NKAIN2: variants seen among roughly 807,000 people sequenced by gnomAD.
NKAIN2 encodes the protein sodium/potassium-transporting ATPase subunit beta-1-interacting protein 2.
Under a neutral mutation model 32.6 loss-of-function variants are expected in NKAIN2, and 14 were observed. The ratio of observed to expected loss-of-function variants is 0.43; its 90% CI spans 0.28 to 0.67. NKAIN2 has a LOEUF of 0.67. NKAIN2 is among the 30% of genes least tolerant of loss of function. NKAIN2 has a pLI of 0.17. For synonymous variants in NKAIN2, 80 were observed against 87.2 expected (o/e 0.92, Z 0.46); for missense variants, 198 against 258.3 (o/e 0.77, Z 1.60).
At chr6:123,829,856 A>G (rs1265029140) in intron 1 of NKAIN2, among the ~76,000 whole-genome samples, 3 of 152,222 alleles carry the variant, frequency 2.0e-5, no homozygotes, top group African/African-American at 7.2e-5. Flanking sequence ...CAAACAGACC[A>G]GTAAACCCTG....
At position 124,524,003 on chromosome 6, in the gene NKAIN2, G is replaced by A. The variant is rs73565321; in HGVS notation, c.274-134183G>A. On this transcript the variant is annotated intron_variant, in intron 3 of 6. Transcript: ENST00000368417. ...TCTATTGAAAGTCTAAGAATGGCAT[G>A]CTTTGATTAGAATGTCCTGGAAATG... Among the ~76,000 whole-genome samples the A allele has an allele frequency of 3.3e-3, 496 of 152,256 alleles. 4 individuals carry two copies. Among genetic ancestry groups the A allele is most frequent in the African/African-American group, 0.011 (475 of 41,548 alleles).
chr6:124,149,516 C>T (rs951831675), intron 1 of NKAIN2, among the ~76,000 whole-genome samples: 7 of 152,124 alleles, frequency 4.6e-5, no homozygotes, highest in Admixed American at 1.3e-4. Context: ...CCCAGCTGTT[C>T]GAGAACCATT....
intron 3 of NKAIN2, among the ~76,000 whole-genome samples, chr6:124,617,159 A>T (rs1782938358): frequency 6.6e-6 from 1 of 152,220 alleles, no homozygotes; most frequent in Non-Finnish European, 1.5e-5. Context: ...GTAAGAATTG[A>T]TAGATAAGTT....
At chr6:123,830,429 CTTTGCTAATAA>C (rs1375611492) in intron 1 of NKAIN2, among the ~76,000 whole-genome samples, 1 of 152,130 alleles carries the variant, frequency 6.6e-6, no homozygotes, top group Non-Finnish European at 1.5e-5. Context: ...TCTCACTCCC[CTTTGCTAATAA>C]ATTTCCCCCT....
chr6:124,104,208 C>T (rs12213658), intron 1 of NKAIN2, among the ~76,000 whole-genome samples: 4,540 of 152,324 alleles, frequency 0.03, 108 homozygotes, highest in Middle Eastern at 0.071. Context: ...AGAAATGCTT[C>T]TCATCCAAAT....
At position 124,534,377 on chromosome 6, in the gene NKAIN2, C is replaced by T. The variant is rs144394932; in HGVS notation, c.274-123809C>T. 6.7e-3 allele frequency among the ~76,000 whole-genome samples: 1,021 copies of T among 152,300 alleles called. 8 individuals are homozygous for T. The highest frequency in any genetic ancestry group is 0.022 in the African/African-American group (933 of 41,556). ...TGTTGGCCAGACTGGTCTTGAACTCCTGGCCTCAAGTGATCTGCCTGCCTT... is the reference window on the plus strand; with the variant it reads ...TGTTGGCCAGACTGGTCTTGAACTCTTGGCCTCAAGTGATCTGCCTGCCTT... On this transcript the variant is annotated intron_variant, in intron 3 of 6. Transcript: ENST00000368417.
chr6:124,622,476 G>A (rs1056021996), intron 3 of NKAIN2, among the ~76,000 whole-genome samples: 1 of 152,152 alleles, frequency 6.6e-6, no homozygotes, highest in African/African-American at 2.4e-5. Context: ...GTGTTACAAT[G>A]CTCTCTTAGC....
chr6:124,069,021 A>C (rs1783318277), intron 1 of NKAIN2, among the ~76,000 whole-genome samples: 1 of 152,084 alleles, frequency 6.6e-6, no homozygotes, highest in African/African-American at 2.4e-5. Flanking sequence ...GACAAAGATC[A>C]CAATTTTTTT....
intron 4 of NKAIN2, among the ~76,000 whole-genome samples, chr6:124,721,988 TC>T (rs1399048175): frequency 6.6e-6 from 1 of 152,168 alleles, no homozygotes; most frequent in Non-Finnish European, 1.5e-5. Flanking sequence ...TTATGACCTC[TC>T]CCCAGCCCCT....
intron 1 of NKAIN2, among the ~76,000 whole-genome samples, chr6:123,900,466 T>G (rs1010542796): frequency 6.9e-6 from 1 of 145,914 alleles, no homozygotes; most frequent in Non-Finnish European, 1.5e-5. Context: ...AGCGAGACTC[T>G]GTCTCAAAAA....
intron 4 of NKAIN2, among the ~76,000 whole-genome samples, chr6:124,748,470 T>C (rs1236280647): frequency 6.6e-6 from 1 of 151,970 alleles, no homozygotes; most frequent in African/African-American, 2.4e-5. Context: ...GTACAGATGC[T>C]TTTCTCACCT....
chr6:123,944,608 A>G (rs919762630), intron 1 of NKAIN2, among the ~76,000 whole-genome samples: 1 of 152,112 alleles, frequency 6.6e-6, no homozygotes, highest in African/African-American at 2.4e-5. Context: ...GCCTAAAAAA[A>G]GAAACATAAT....
At position 123,918,466 on chromosome 6, in the gene NKAIN2, G is replaced by A. The variant is rs144415264; in HGVS notation, c.54+114212G>A. Among the ~76,000 whole-genome samples the A allele has an allele frequency of 7.2e-3, 1,092 of 152,272 alleles. 9 individuals carry two copies. The highest frequency in any genetic ancestry group is 0.011 in the Non-Finnish European group (730 of 68,006). ...TCTGTTAGTGTTATTTAAGGTAAGA[G>A]AAAATATCAACCGCATGGCAGAAAT... On this transcript the variant is annotated intron_variant, in intron 1 of 6. Coordinates refer to ENST00000368417, the MANE Select transcript of NKAIN2 (RefSeq NM_001040214.3).
chr6:124,179,470 T>C (rs757614487), intron 1 of NKAIN2, among the ~76,000 whole-genome samples: 11 of 152,228 alleles, frequency 7.2e-5, no homozygotes, highest in Non-Finnish European at 1.5e-4. Flanking sequence ...ATGTAAACAA[T>C]TGATAGAAAT....
chr6:124,821,188 G>A (rs891923627), intron 6 of NKAIN2, among the ~76,000 whole-genome samples: 3 of 151,888 alleles, frequency 2.0e-5, no homozygotes, highest in Non-Finnish European at 4.4e-5. Context: ...CCAGTTACTC[G>A]GGAGGCTGAG....
At chr6:124,282,357 G>A (rs713214) in intron 1 of NKAIN2, 23,871 of 285,016 alleles carry the variant, frequency 0.084, 1,223 homozygotes, top group East Asian at 0.22. Flanking sequence ...TTACCTGGTA[G>A]CCAGGTATGA....
At chr6:124,791,005 G>A (rs548026916) in intron 4 of NKAIN2, among the ~76,000 whole-genome samples, 20 of 152,228 alleles carry the variant, frequency 1.3e-4, no homozygotes, top group Non-Finnish European at 2.8e-4. Context: ...TAAACTAGAA[G>A]TTGATGGGCA....
At chr6:124,298,745 G>T (rs1796168180) in intron 2 of NKAIN2, among the ~76,000 whole-genome samples, 1 of 149,240 alleles carries the variant, frequency 6.7e-6, no homozygotes, top group Non-Finnish European at 1.5e-5. Flanking sequence ...GGTAATGCTT[G>T]GAAGGAGAGA....
At chr6:124,217,451 CA>C (rs1791536585) in intron 1 of NKAIN2, among the ~76,000 whole-genome samples, 1 of 151,482 alleles carries the variant, frequency 6.6e-6, no homozygotes, top group African/African-American at 2.4e-5. Flanking sequence ...AAAAGTCTTT[CA>C]GGGGGTGTTT....
Sources: gnomAD v4.1 joint callset for allele counts (sites outside exome capture counted in the v4.1 genomes callset) on GRCh38, gnomAD v4.1.1 for gene constraint, MANE v1.5 for transcripts, NCBI Gene and HGNC (gene_info 2026-07-23, HGNC 2026-07-21) for gene names.